TRIM33: variants seen among roughly 807,000 people sequenced by gnomAD.
The protein encoded by TRIM33 is E3 ubiquitin-protein ligase TRIM33.
A neutral mutation model predicts 125.4 loss-of-function variants in TRIM33; 20 were observed. The observed-to-expected ratio is 0.16, with a 90% CI of 0.11 to 0.23. The LOEUF is 0.23. Ranked by LOEUF, TRIM33 falls within the 10% of genes least tolerant of loss-of-function variation. The probability of loss-of-function intolerance (pLI) is 1.00; values close to 1 mark genes in which losing one functional copy is unlikely to be tolerated. For missense variants in TRIM33, 920 were observed against 1,411.4 expected (o/e 0.65, Z 5.58); for synonymous variants, 564 against 513.9 (o/e 1.10, Z -1.32).
At chr1:114,506,197 C>G (rs1350390890) in intron 1 of TRIM33, among the ~76,000 whole-genome samples, 3 of 151,880 alleles carry the variant, frequency 2.0e-5, no homozygotes, top group African/African-American at 4.8e-5. Flanking sequence ...GCCTAGCCTA[C>G]ATGACAAGAC....
At chr1:114,482,698 T>C (rs1411536063) in intron 1 of TRIM33, among the ~76,000 whole-genome samples, 2 of 152,174 alleles carry the variant, frequency 1.3e-5, no homozygotes, top group Non-Finnish European at 2.9e-5. Flanking sequence ...GGGGGCAGAT[T>C]TCCCCTTTGC....
chr1:114,425,349 T>G, intron 9 of TRIM33, 100 bp downstream of exon 9: 1 of 1,459,894 alleles, frequency 6.8e-7, no homozygotes, highest in Non-Finnish European at 9.3e-7. Context: ...CTGCTCAGTC[T>G]TGCTAGTAAC....
rs114234620 is a variant in TRIM33, at chr1:114,461,946, T to A, written c.923+1158A>T. Among the ~76,000 whole-genome samples the A allele has an allele frequency of 8.9e-3, 1,356 of 152,304 alleles. 13 individuals are homozygous for A. Among genetic ancestry groups the A allele is most frequent in the South Asian group, 0.041 (197 of 4,826 alleles). On this transcript the variant is annotated intron_variant, in intron 4 of 19. Transcript: ENST00000358465. ...TACCTTGAAAAAGAACAAAAAGCAC[T>A]ACACCTTTATATAGTCAAATTTGAG... is the stretch of plus-strand genomic sequence containing the variant.
rs578127527 is a variant in TRIM33 at position 114,502,337 on chromosome 1, G to A, written c.526+8214C>T. Among the ~76,000 whole-genome samples, 6 of 152,110 alleles carry A rather than the reference G, an allele frequency of 3.9e-5. No individual in the cohort carries two copies. The South Asian group carries it at 1.0e-3, about 26-fold the overall frequency. On this transcript the variant is annotated intron_variant, in intron 1 of 19. Coordinates refer to ENST00000358465, the MANE Select transcript of TRIM33 (RefSeq NM_015906.4). The stretch of plus-strand genomic sequence containing the variant: ...CAGGGCTCAAACTTCCTGGTCTCAG[G>A]ACCTCTCTTACAGTCTTAGTTACTG...
intron 12 of TRIM33, among the ~76,000 whole-genome samples, chr1:114,409,071 ATAAT>A (rs1284167165): frequency 8.5e-5 from 13 of 152,356 alleles, no homozygotes; most frequent in African/African-American, 3.1e-4. Flanking sequence ...AAGTCCTGAA[ATAAT>A]TCTTATTAAA....
At chr1:114,431,045 C>T in intron 5 of TRIM33, 133 bp from the exon 6 acceptor site, 1 of 619,392 alleles carries the variant, frequency 1.6e-6, no homozygotes, top group Non-Finnish European at 2.8e-6. Flanking sequence ...ATGTACAACT[C>T]ATGTTTCAGC....
At chr1:114,455,917 C>T (rs376828446) in intron 4 of TRIM33, among the ~76,000 whole-genome samples, 22 of 152,238 alleles carry the variant, frequency 1.4e-4, no homozygotes, top group South Asian at 1.2e-3. Context: ...GCAATATACA[C>T]GTGTGGGTAA....
chr1:114,463,702 T>G, intron 2 of TRIM33, 146 bp from the exon 3 acceptor site: 1 of 584,908 alleles, frequency 1.7e-6, no homozygotes, highest in Non-Finnish European at 2.9e-6. Context: ...AAAATCCTTT[T>G]CCTTACAGAT....
At chr1:114,426,000 AT>A (rs1233101464) in intron 8 of TRIM33, among the ~76,000 whole-genome samples, 1 of 152,190 alleles carries the variant, frequency 6.6e-6, no homozygotes, top group African/African-American at 2.4e-5. Flanking sequence ...AGTAAAAGAG[AT>A]TATCTATTAG....
intron 1 of TRIM33, among the ~76,000 whole-genome samples, chr1:114,500,529 A>C: frequency 6.6e-6 from 1 of 152,056 alleles, no homozygotes; most frequent in Non-Finnish European, 1.5e-5. Flanking sequence ...ATGAACTTTC[A>C]CAAGATAATA....
intron 1 of TRIM33, among the ~76,000 whole-genome samples, chr1:114,485,532 T>C (rs1184508730): frequency 6.6e-6 from 1 of 152,144 alleles, no homozygotes; most frequent in Non-Finnish European, 1.5e-5. Context: ...CTCCCTGGTA[T>C]CACAAGGGCT....
intron 4 of TRIM33, among the ~76,000 whole-genome samples, chr1:114,452,273 A>G (rs936645532): frequency 6.6e-6 from 1 of 152,128 alleles, no homozygotes; most frequent in African/African-American, 2.4e-5. Flanking sequence ...CATCCTGGCC[A>G]ACATGGTGAA....
chr1:114,491,019 AAGTG>A (rs1248005372), intron 1 of TRIM33, among the ~76,000 whole-genome samples: 2 of 152,198 alleles, frequency 1.3e-5, no homozygotes, highest in African/African-American at 4.8e-5. Flanking sequence ...GTTTGGGGGT[AAGTG>A]AGTAATAACT....
chr1:114,458,469 C>A (rs183946402), intron 4 of TRIM33, among the ~76,000 whole-genome samples: 1 of 152,246 alleles, frequency 6.6e-6, no homozygotes, highest in African/African-American at 2.4e-5. Context: ...GGTCCTGTGA[C>A]CCCTACTCAG....
intron 1 of TRIM33, among the ~76,000 whole-genome samples, chr1:114,504,028 T>C (rs1488636505): frequency 2.0e-5 from 3 of 152,218 alleles, no homozygotes; most frequent in South Asian, 2.1e-4. Flanking sequence ...AATATAGTAA[T>C]TGTTACTGTT....
At chr1:114,471,644 A>G (rs892387956) in intron 1 of TRIM33, among the ~76,000 whole-genome samples, 4 of 152,146 alleles carry the variant, frequency 2.6e-5, no homozygotes, top group Non-Finnish European at 4.4e-5. Flanking sequence ...CAAAACAAAA[A>G]GGTAAAACAA....
At chr1:114,502,660 C>G (rs963972890) in intron 1 of TRIM33, among the ~76,000 whole-genome samples, 3 of 152,096 alleles carry the variant, frequency 2.0e-5, no homozygotes, top group Non-Finnish European at 4.4e-5. Context: ...GCGCACACCA[C>G]CACACTCGGA....
chr1:114,469,730 A>G (rs1277189663), intron 1 of TRIM33, among the ~76,000 whole-genome samples: 1 of 152,244 alleles, frequency 6.6e-6, no homozygotes, highest in Non-Finnish European at 1.5e-5. Flanking sequence ...AGACATTAGC[A>G]TGAGCGTGGG....
intron 10 of TRIM33, among the ~76,000 whole-genome samples, chr1:114,424,044 C>G (rs776905595): frequency 6.6e-6 from 1 of 151,980 alleles, no homozygotes; most frequent in Non-Finnish European, 1.5e-5. Flanking sequence ...CTCATATCTC[C>G]CATATAAACA....
Sources: gnomAD v4.1 joint callset for allele counts (sites outside exome capture counted in the v4.1 genomes callset) on GRCh38, gnomAD v4.1.1 for gene constraint, MANE v1.5 for transcripts, NCBI Gene and HGNC (gene_info 2026-07-23, HGNC 2026-07-21) for gene names.